MAD2L1BP: variants seen among roughly 807,000 people sequenced by gnomAD.
MAD2L1BP encodes MAD2L1 binding protein, also known as MAD2L1-binding protein.
Under a neutral mutation model 28.4 loss-of-function variants are expected in MAD2L1BP, and 22 were observed. The ratio of observed to expected loss-of-function variants is 0.77; its 90% CI spans 0.55 to 1.10. The LOEUF is 1.10. Among genes scored for constraint, MAD2L1BP ranks in the 50% least tolerant of loss-of-function variants. MAD2L1BP has a pLI of 0.00. For missense variants in MAD2L1BP, 325 were observed against 350.5 expected, an observed-to-expected ratio of 0.93 and a Z score of 0.58; for synonymous variants, 146 against 133.7, an observed-to-expected ratio of 1.09 and a Z score of -0.63.
chr6:43,636,270 C>T, intron 1 of MAD2L1BP, 111 bp from the exon 2 acceptor site: 2 of 1,059,164 alleles, frequency 1.9e-6, no homozygotes, highest in South Asian at 1.5e-5. Flanking sequence ...GGGCGTATGT[C>T]GGAGTGCCTG....
intron 1 of MAD2L1BP, among the ~76,000 whole-genome samples, chr6:43,630,072 G>A (rs1769807098): frequency 6.6e-6 from 1 of 152,238 alleles, no homozygotes; most frequent in Non-Finnish European, 1.5e-5. Flanking sequence ...GGCCAAGACT[G>A]TAGGAGGGGC....
At chr6:43,637,519 A>G (rs1770307304) in intron 2 of MAD2L1BP, among the ~76,000 whole-genome samples, 1 of 146,540 alleles carries the variant, frequency 6.8e-6, no homozygotes, top group South Asian at 2.1e-4. Context: ...CCAATCTCCC[A>G]GGTTCAAGTG....
chr6:43,639,377 G>C (rs1167127632), intron 2 of MAD2L1BP, among the ~76,000 whole-genome samples: 2 of 152,174 alleles, frequency 1.3e-5, no homozygotes, highest in African/African-American at 4.8e-5. Flanking sequence ...CTGACCTTGT[G>C]ATCCGCCCGC....
upstream of MAD2L1BP, among the ~76,000 whole-genome samples, chr6:43,634,624 G>T (rs1054857986): frequency 2.6e-5 from 4 of 151,694 alleles, no homozygotes; most frequent in African/African-American, 9.7e-5. Context: ...ATAGTGGTGC[G>T]ATCTCAGCTC....
chr6:43,638,138 TC>T (rs1392348825), intron 2 of MAD2L1BP, among the ~76,000 whole-genome samples: 1 of 152,088 alleles, frequency 6.6e-6, no homozygotes, highest in Non-Finnish European at 1.5e-5. Flanking sequence ...CCTCAAGTGA[TC>T]CGCCCGCCTT....
intron 1 of MAD2L1BP, among the ~76,000 whole-genome samples, chr6:43,636,126 C>T (rs757292805): frequency 6.6e-5 from 10 of 152,196 alleles, no homozygotes; most frequent in Non-Finnish European, 1.5e-4. Context: ...TTCCCCAGAT[C>T]AAGTCCCGCA....
chr6:43,636,950 T>A (rs1367447000), intron 2 of MAD2L1BP: 1 of 251,790 alleles, frequency 4.0e-6, no homozygotes, highest in Non-Finnish European at 7.7e-6. Flanking sequence ...AGATCTCAGC[T>A]CACTGCAACC....
At chr6:43,638,926 C>T (rs976850400) in intron 2 of MAD2L1BP, among the ~76,000 whole-genome samples, 2 of 152,076 alleles carry the variant, frequency 1.3e-5, no homozygotes, top group South Asian at 2.1e-4. Flanking sequence ...AAAGTCTTCC[C>T]TCTGGATGGG....
At chr6:43,638,518 C>T (rs145327639) in intron 2 of MAD2L1BP, among the ~76,000 whole-genome samples, 1,901 of 149,794 alleles carry the variant, frequency 0.013, 40 homozygotes, top group African/African-American at 0.044. Context: ...ATAAATTGGC[C>T]GGGCGCGGTG....
exon 1 of MAD2L1BP, chr6:43,629,652 G>C: frequency 7.6e-7 from 1 of 1,324,436 alleles, no homozygotes; most frequent in Non-Finnish European, 1.1e-6. Flanking sequence ...CTTTAGCGCG[G>C]ATCCTAGACA....
chr6:43,639,943 T>A, intron 2 of MAD2L1BP, 78 bp from the exon 3 acceptor site: 1 of 1,352,644 alleles, frequency 7.4e-7, no homozygotes, highest in Non-Finnish European at 1.0e-6. Context: ...TATGTACACA[T>A]CCCAGCAGGG....
At chr6:43,631,916 T>G (rs1406174634), upstream of MAD2L1BP, among the ~76,000 whole-genome samples, 1 of 152,162 alleles carries the variant, frequency 6.6e-6, no homozygotes, top group Non-Finnish European at 1.5e-5. Context: ...TTGTTTGTTT[T>G]TTGATGGAGT....
In MAD2L1BP at chr6:43,635,884, GCCGGAGGC is replaced by G. The variant is rs1363637291; in HGVS notation, c.10_17del (p.Pro4GlyfsTer10). On this transcript the variant is annotated frameshift_variant, in exon 1 of 3. Coordinates refer to ENST00000372171, the MANE Select transcript of MAD2L1BP (RefSeq NM_014628.3). LOFTEE classifies it high-confidence loss of function. The stretch of plus-strand genomic sequence containing the variant: ...GCGGAGGGGAGGTCGTGATGGCGGC[GCCGGAGGC>G]GGAGGTTCTGTCCTCAGCCGCAGTC... 2 of 1,478,370 alleles carry G rather than the reference GCCGGAGGC, an allele frequency of 1.4e-6. No homozygotes were observed. Among genetic ancestry groups the G allele is most frequent in the Non-Finnish European group, 1.8e-6 (2 of 1,121,296 alleles). 91.6% of individuals were successfully genotyped at this position (1,478,370 alleles called of 1,614,324 possible).
chr6:43,638,585 A>G (rs1770386031), intron 2 of MAD2L1BP, among the ~76,000 whole-genome samples: 1 of 151,566 alleles, frequency 6.6e-6, no homozygotes, highest in Admixed American at 6.6e-5. Context: ...TCACGAGGTC[A>G]GGAGATTGAG....
upstream of MAD2L1BP, among the ~76,000 whole-genome samples, chr6:43,632,027 G>A (rs1205644361): frequency 6.6e-6 from 1 of 151,952 alleles, no homozygotes; most frequent in Admixed American, 6.6e-5. Context: ...AGCCTTCTGA[G>A]TAGCTGGGAT....
chr6:43,629,564 TG>T, exon 1 of MAD2L1BP: 2 of 680,856 alleles, frequency 2.9e-6, no homozygotes, highest in Non-Finnish European at 5.3e-6. Flanking sequence ...CCTCGAGGCC[TG>T]GGGTGGGGAC....
upstream of MAD2L1BP, among the ~76,000 whole-genome samples, chr6:43,632,686 A>C (rs1333645092): frequency 7.8e-6 from 1 of 127,810 alleles, no homozygotes; most frequent in African/African-American, 3.0e-5. Context: ...TTTTTTTTTA[A>C]TAGAGACAAG....
chr6:43,631,975 C>T (rs1034244382), upstream of MAD2L1BP, among the ~76,000 whole-genome samples: 1 of 152,080 alleles, frequency 6.6e-6, no homozygotes, highest in Non-Finnish European at 1.5e-5. Context: ...TCTTGGCTCA[C>T]GGCAACCTCC....
upstream of MAD2L1BP, chr6:43,633,189 T>C (rs1052899516): frequency 5.5e-5 from 24 of 435,800 alleles, no homozygotes; most frequent in Admixed American, 1.5e-4. Flanking sequence ...TTTTTTTTTT[T>C]CCAGGCGGAG....
Sources: allele counts gnomAD v4.1 joint callset (sites outside exome capture counted in the v4.1 genomes callset), GRCh38; gene constraint gnomAD v4.1.1; transcripts MANE v1.5; gene names NCBI Gene and HGNC (gene_info 2026-07-23, HGNC 2026-07-21).